Variants in PDK1 observed in about 807,000 individuals in gnomAD.
PDK1 encodes the protein [Pyruvate dehydrogenase (acetyl-transferring)] kinase isozyme 1, mitochondrial.
PDK1 carries 39 observed loss-of-function variants against 54.2 expected under a neutral mutation model. The observed-to-expected ratio is 0.72, with a 90% CI of 0.56 to 0.94. The LOEUF (loss-of-function observed/expected upper bound fraction) is 0.94. PDK1 is among the 40% of genes least tolerant of loss of function. PDK1 has a pLI of 0.00. For missense variants in PDK1, 552 were observed against 566.0 expected (o/e 0.98, Z 0.25); for synonymous variants, 221 against 207.1 (o/e 1.07, Z -0.58).
At chr2:172,706,865 G>C in the PDK1 span, among the ~76,000 whole-genome samples, 5 of 152,344 alleles carry the variant, frequency 3.3e-5, no homozygotes, top group African/African-American at 1.2e-4. Context: ...ACTGGCCAGT[G>C]AGGGTAACAT....
At chr2:172,652,840 G>A in the PDK1 span, among the ~76,000 whole-genome samples, 1 of 152,080 alleles carries the variant, frequency 6.6e-6, no homozygotes, top group African/African-American at 2.4e-5. Context: ...CAAATGGAAG[G>A]ACATTCCATG....
At chr2:172,694,792 T>C in the PDK1 span, among the ~76,000 whole-genome samples, 5 of 152,158 alleles carry the variant, frequency 3.3e-5, no homozygotes, top group African/African-American at 1.2e-4. Flanking sequence ...TGTTTCAGTG[T>C]TTAATATTAG....
At position 172,598,990 on chromosome 2, in the gene PDK1, G is replaced by A. The variant is rs1315372323; in HGVS notation, c.*3021G>A. 6.6e-6 allele frequency: 1 copy of A among 152,044 alleles called. No homozygotes were observed. The highest frequency in any genetic ancestry group is 1.5e-5 in the Non-Finnish European group (1 of 68,002). The allele number at this position is 152,044 out of a possible 1,614,324, so 9.4% of individuals were successfully genotyped here. On this transcript the variant is annotated 3_prime_UTR_variant, in exon 11 of 11. Coordinates refer to ENST00000282077, the MANE Select transcript of PDK1 (RefSeq NM_002610.5). ...AGATTTCCAATGTGTATATTCTAAT[G>A]GAGAAAGCAAGAGGTAGAGTTTGTA...
the PDK1 span, among the ~76,000 whole-genome samples, chr2:172,666,703 TAGGTGACCGGGGTGACTAAGGTCAGAGC>T: frequency 1.3e-5 from 2 of 151,868 alleles, no homozygotes; most frequent in Non-Finnish European, 2.9e-5. Flanking sequence ...AAGGTCAGAG[TAGGTGACCGGGGTGACTAAGGTCAGAGC>T]AGGTGATAGA....
At chr2:172,587,474 TG>T (rs1226919885) in intron 9 of PDK1, among the ~76,000 whole-genome samples, 1 of 152,060 alleles carries the variant, frequency 6.6e-6, no homozygotes, top group Non-Finnish European at 1.5e-5. Context: ...CAGAGTTGTT[TG>T]TTCTTCTGGG....
Position 172,556,144 on chromosome 2 carries a change from A to T in PDK1, c.-7A>T. On this transcript the variant is annotated 5_prime_UTR_variant, in exon 1 of 11. Coordinates refer to ENST00000282077, the MANE Select transcript of PDK1 (RefSeq NM_002610.5). Reference sequence around the variant, plus strand: ...TACTGGCTGTGGCTTCTCTAGCGGGACTCGGCATGAGGCTGGCGCGGCTGC... The same window carrying T: ...TACTGGCTGTGGCTTCTCTAGCGGGTCTCGGCATGAGGCTGGCGCGGCTGC... 4 of 1,406,730 alleles carry T rather than the reference A, an allele frequency of 2.8e-6. No homozygotes were observed. The highest frequency in any genetic ancestry group is 3.7e-6 in the Non-Finnish European group (4 of 1,086,980). 87.1% of individuals were successfully genotyped at this position (1,406,730 alleles called of 1,614,324 possible). A position where few individuals can be genotyped will look rare whatever the true frequency, so the allele number is the denominator to read the frequency against.
the PDK1 span, among the ~76,000 whole-genome samples, chr2:172,673,848 C>T: frequency 6.6e-6 from 1 of 152,140 alleles, no homozygotes; most frequent in Non-Finnish European, 1.5e-5. Flanking sequence ...TGGTTAAATC[C>T]AAAACAACCC....
chr2:172,622,761 TTATGTGAGATGTTTATATCTCA>T, the PDK1 span, among the ~76,000 whole-genome samples: 1 of 147,982 alleles, frequency 6.8e-6, no homozygotes, highest in African/African-American at 2.5e-5. Flanking sequence ...TTATATCTCA[TTATGTGAGATGTTTATATCTCA>T]TATGTGAGAT....
At chr2:172,620,566 T>G in the PDK1 span, among the ~76,000 whole-genome samples, 140 of 152,256 alleles carry the variant, frequency 9.2e-4, 1 homozygote, top group African/African-American at 3.1e-3. Flanking sequence ...TCTCCCCCAC[T>G]CAAATCTCAT....
chr2:172,622,181 CATATATT>C, the PDK1 span, among the ~76,000 whole-genome samples: 12 of 135,152 alleles, frequency 8.9e-5, no homozygotes, highest in African/African-American at 3.6e-4. Context: ...ATGTTTATAT[CATATATT>C]ATGTGAGATG....
chr2:172,612,662 C>G (rs1691499693), downstream of PDK1, among the ~76,000 whole-genome samples: 1 of 152,012 alleles, frequency 6.6e-6, no homozygotes, highest in Non-Finnish European at 1.5e-5. Context: ...AAAGAAAATG[C>G]TACCAGTAGT....
At chr2:172,592,124 C>T (rs183919465) in intron 9 of PDK1, among the ~76,000 whole-genome samples, 3 of 152,310 alleles carry the variant, frequency 2.0e-5, no homozygotes, top group Admixed American at 1.3e-4. Context: ...AGGAAAGCTA[C>T]GGGTTGTCAG....
At position 172,601,183 on chromosome 2, in the gene PDK1, C is replaced by T. The variant is rs1450459261; in HGVS notation, c.*5214C>T. ...ATTTTTTTCCATTCTCAAAATGATA[C>T]TTAAATGACTCAGTACAACAAAGAA... is the stretch of plus-strand genomic sequence containing the variant. On this transcript the variant is annotated 3_prime_UTR_variant, in exon 11 of 11. Coordinates refer to ENST00000282077, the MANE Select transcript of PDK1 (RefSeq NM_002610.5). The T allele has an allele frequency of 6.6e-6, 1 of 152,062 alleles. No individual in the cohort carries two copies. Among genetic ancestry groups the T allele is most frequent in the African/African-American group, 2.4e-5 (1 of 41,394 alleles). 9.4% of individuals were successfully genotyped at this position (152,062 alleles called of 1,614,324 possible).
At position 172,604,600 on chromosome 2, in the gene PDK1, G is replaced by T. The variant is rs1172310741; in HGVS notation, c.*8631G>T. On this transcript the variant is annotated 3_prime_UTR_variant, in exon 11 of 11. Transcript: ENST00000282077. ...CTCTGGAGTTTTACTGAGGACTAGA[G>T]ATAGCTAAGTAACATAGTTCCACCT... is the stretch of plus-strand genomic sequence containing the variant. 6.6e-6 allele frequency: 1 copy of T among 152,142 alleles called. No individual in the cohort carries two copies. The highest frequency in any genetic ancestry group is 2.4e-5 in the African/African-American group (1 of 41,426). The allele number at this position is 152,142 out of a possible 1,614,324, so 9.4% of individuals were successfully genotyped here. A position where few individuals can be genotyped will look rare whatever the true frequency, so the allele number is the denominator to read the frequency against.
At chr2:172,556,066 T>A, upstream of PDK1, 1 of 1,070,146 alleles carries the variant, frequency 9.3e-7, no homozygotes, top group Non-Finnish European at 1.2e-6. Flanking sequence ...CCGCCCCTGC[T>A]GCCCGCCACG....
chr2:172,616,915 C>T, the PDK1 span, among the ~76,000 whole-genome samples: 2 of 152,046 alleles, frequency 1.3e-5, no homozygotes, highest in African/African-American at 2.4e-5. Context: ...TGTTCTTTTT[C>T]TGTCTTTGTA....
intron 8 of PDK1, among the ~76,000 whole-genome samples, chr2:172,571,147 A>G (rs1347131833): frequency 6.6e-6 from 1 of 152,160 alleles, no homozygotes; most frequent in Non-Finnish European, 1.5e-5. Context: ...ATAGTATTTT[A>G]TATATAATTT....
the PDK1 span, among the ~76,000 whole-genome samples, chr2:172,706,649 A>C: frequency 6.6e-6 from 1 of 152,112 alleles, no homozygotes; most frequent in Non-Finnish European, 1.5e-5. Context: ...GGCTGGTCTC[A>C]AACTTCTGGG....
chr2:172,592,910 G>T lies in PDK1; in HGVS notation c.1057-25G>T, dbSNP rs746708184. ...ATTTCAGTGTGTGTCTTTCTGAATA[G>T]AATTTTGTTTTTCTCATCAAACAGG... On this transcript the variant is annotated intron_variant, in intron 9 of 10. Transcript: ENST00000282077. The T allele has an allele frequency of 4.7e-6, 6 of 1,270,830 alleles. No homozygotes were observed. In the South Asian group the frequency reaches 7.2e-5, roughly 15 times the overall value. 78.7% of individuals were successfully genotyped at this position (1,270,830 alleles called of 1,614,324 possible). A position where few individuals can be genotyped will look rare whatever the true frequency, so the allele number is the denominator to read the frequency against.
Sources: gnomAD v4.1 joint callset for allele counts (sites outside exome capture counted in the v4.1 genomes callset) on GRCh38, gnomAD v4.1.1 for gene constraint, MANE v1.5 for transcripts, NCBI Gene and HGNC (gene_info 2026-07-23, HGNC 2026-07-21) for gene names.